Variants in RPTOR observed in about 807,000 individuals in gnomAD.
The protein encoded by RPTOR is regulatory associated protein of MTOR complex 1.
Under a neutral mutation model 169.9 loss-of-function variants are expected in RPTOR, and 21 were observed. The observed-to-expected ratio is 0.12, with a 90% CI of 0.09 to 0.18. The LOEUF is 0.18. RPTOR is among the 10% of genes least tolerant of loss of function. The pLI, the probability that RPTOR is intolerant of heterozygous loss-of-function variation, is 1.00. For synonymous variants in RPTOR, 732 were observed against 753.2 expected (o/e 0.97, Z 0.46); for missense variants, 1,133 against 1,855.9 (o/e 0.61, Z 7.16).
At chr17:80,945,637 G>C (rs775332657) in intron 25 of RPTOR, 30 bp from the exon 26 acceptor site, 1 of 1,344,898 alleles carries the variant, frequency 7.4e-7, no homozygotes, top group African/African-American at 1.5e-5. Context: ...GCTGGCTCCT[G>C]GATCCACTCT....
At chr17:80,577,667 G>C (rs1049509849) in intron 1 of RPTOR, among the ~76,000 whole-genome samples, 1 of 152,218 alleles carries the variant, frequency 6.6e-6, no homozygotes, top group African/African-American at 2.4e-5. Context: ...AATAGATAAA[G>C]AGGTAGCAGC....
At chr17:80,854,992 A>G (rs2067836660) in intron 11 of RPTOR, among the ~76,000 whole-genome samples, 1 of 152,264 alleles carries the variant, frequency 6.6e-6, no homozygotes, top group African/African-American at 2.4e-5. Context: ...GTACATTTGC[A>G]TAACGGAAGT....
intron 1 of RPTOR, among the ~76,000 whole-genome samples, chr17:80,598,584 G>T (rs1376444924): frequency 1.3e-5 from 2 of 152,246 alleles, no homozygotes; most frequent in African/African-American, 4.8e-5. Flanking sequence ...CAAGAGCCTT[G>T]AGTCCAAGTT....
At chr17:80,743,855 A>T (rs796721614) in intron 5 of RPTOR, among the ~76,000 whole-genome samples, 882 of 66,760 alleles carry the variant, frequency 0.013, 62 homozygotes, top group African/African-American at 0.043. Flanking sequence ...TTACTAGCAG[A>T]GCCCTGGCTA....
chr17:80,821,656 G>A (rs1000723268), intron 7 of RPTOR, among the ~76,000 whole-genome samples: 2 of 152,164 alleles, frequency 1.3e-5, no homozygotes, highest in African/African-American at 4.8e-5. Flanking sequence ...TCATTTGCCT[G>A]TTACCTGTCC....
intron 6 of RPTOR, among the ~76,000 whole-genome samples, chr17:80,757,504 A>G (rs1598284664): frequency 6.6e-6 from 1 of 152,070 alleles, no homozygotes; most frequent in East Asian, 1.9e-4. Flanking sequence ...CTCCTTTCGC[A>G]TTACTTTCTC....
intron 2 of RPTOR, among the ~76,000 whole-genome samples, chr17:80,639,275 A>G (rs1353769817): frequency 6.6e-6 from 1 of 151,118 alleles, no homozygotes; most frequent in African/African-American, 2.4e-5. Context: ...GCAGCACTCA[A>G]TATGTCAATT....
chr17:80,614,268 G>T (rs1173210967), intron 1 of RPTOR, among the ~76,000 whole-genome samples: 1 of 152,134 alleles, frequency 6.6e-6, no homozygotes, highest in Non-Finnish European at 1.5e-5. Flanking sequence ...CCGAGAAGGG[G>T]GCCTGTCCTC....
intron 4 of RPTOR, among the ~76,000 whole-genome samples, chr17:80,709,980 C>CTT (rs772968444): frequency 1.4e-5 from 2 of 143,408 alleles, no homozygotes; most frequent in Non-Finnish European, 3.1e-5. Context: ...ACTTACAAAA[C>CTT]TTTTTTTTTT....
intron 3 of RPTOR, among the ~76,000 whole-genome samples, chr17:80,700,585 G>T (rs559449989): frequency 1.6e-4 from 23 of 143,622 alleles, no homozygotes; most frequent in African/African-American, 5.7e-4. Flanking sequence ...TGGTGATGAT[G>T]GAAGTGGTGG....
chr17:80,826,737 G>A (rs1007567286), intron 9 of RPTOR, among the ~76,000 whole-genome samples: 1 of 152,244 alleles, frequency 6.6e-6, no homozygotes, highest in Non-Finnish European at 1.5e-5. Flanking sequence ...GAAGGGCAGG[G>A]CTCCTCCAGT....
At chr17:80,556,035 T>TC (rs1248621108) in intron 1 of RPTOR, among the ~76,000 whole-genome samples, 1 of 151,492 alleles carries the variant, frequency 6.6e-6, no homozygotes, top group African/African-American at 2.4e-5. Context: ...TGTTTTTTTT[T>TC]TCTTAAATCT....
At chr17:80,940,728 G>T in intron 25 of RPTOR, 127 bp downstream of exon 25, 2 of 688,416 alleles carry the variant, frequency 2.9e-6, no homozygotes, top group Non-Finnish European at 2.4e-6. Flanking sequence ...TCCCACGACA[G>T]ACCCGCCCCG....
rs536416623 is a variant in RPTOR at position 80,787,258 on chromosome 17, A to T, written c.831-4192A>T. Among the ~76,000 whole-genome samples the T allele has an allele frequency of 9.2e-5, 14 of 152,312 alleles. No individual in the cohort carries two copies. In the South Asian group the frequency reaches 2.9e-3, roughly 32 times the overall value. ...CTTTTAAAAAAATACTTTTGGTTGG[A>T]ATGTGGACATTTCCCACTTAGCATT... On this transcript the variant is annotated intron_variant, in intron 6 of 33. Coordinates refer to ENST00000306801, the MANE Select transcript of RPTOR (RefSeq NM_020761.3).
intron 13 of RPTOR, among the ~76,000 whole-genome samples, chr17:80,873,671 T>C (rs886776343): frequency 2.0e-5 from 3 of 152,064 alleles, no homozygotes; most frequent in Non-Finnish European, 4.4e-5. Flanking sequence ...CGCAAAACAA[T>C]GAGCTCGGTG....
At chr17:80,800,160 T>C (rs545107939) in intron 7 of RPTOR, among the ~76,000 whole-genome samples, 1 of 152,270 alleles carries the variant, frequency 6.6e-6, no homozygotes, top group African/African-American at 2.4e-5. Flanking sequence ...CGACCTGGCC[T>C]CCTCACCAGC....
chr17:80,665,640 G>C (rs549769453), intron 3 of RPTOR, among the ~76,000 whole-genome samples: 1 of 151,090 alleles, frequency 6.6e-6, no homozygotes, highest in South Asian at 2.1e-4. Flanking sequence ...CGCCTCCCAG[G>C]TTCACGCCAT....
chr17:80,873,900 G>C (rs1306245619), intron 13 of RPTOR, among the ~76,000 whole-genome samples: 1 of 152,158 alleles, frequency 6.6e-6, no homozygotes, highest in Non-Finnish European at 1.5e-5. Flanking sequence ...GTCTGTGCTG[G>C]GGAAGTCGTG....
At chr17:80,547,493 G>C (rs2084291046) in intron 1 of RPTOR, among the ~76,000 whole-genome samples, 1 of 152,196 alleles carries the variant, frequency 6.6e-6, no homozygotes, top group Admixed American at 6.5e-5. Flanking sequence ...TTCACAGGTT[G>C]TTAAGAGAAA....
Sources: gnomAD v4.1 joint callset for allele counts (sites outside exome capture counted in the v4.1 genomes callset) on GRCh38, gnomAD v4.1.1 for gene constraint, MANE v1.5 for transcripts, NCBI Gene and HGNC (gene_info 2026-07-23, HGNC 2026-07-21) for gene names.